The following RIMS1 variants were observed in gnomAD, a reference collection of about 807,000 sequenced individuals.
RIMS1 encodes the protein regulating synaptic membrane exocytosis protein 1.
A neutral mutation model predicts 214.1 loss-of-function variants in RIMS1; 83 were observed. The observed-to-expected ratio is 0.39, with a 90% confidence interval of 0.32 to 0.47. The LOEUF (loss-of-function observed/expected upper bound fraction) is 0.47, where lower values mean the gene tolerates loss of function less well. Among genes scored for constraint, RIMS1 ranks in the 20% least tolerant of loss-of-function variants. RIMS1 has a pLI of 0.99. For synonymous variants in RIMS1, 793 were observed against 786.8 expected (o/e 1.01, Z -0.13); for missense variants, 2,050 against 2,161.8 (o/e 0.95, Z 1.03).
intron 4 of RIMS1, among the ~76,000 whole-genome samples, chr6:72,173,685 C>A (rs542340417): frequency 4.6e-5 from 7 of 152,104 alleles, no homozygotes; most frequent in African/African-American, 1.7e-4. Flanking sequence ...AACATTAATT[C>A]TTCTCTATGT....
At chr6:72,242,578 C>G (rs570314413) in intron 10 of RIMS1, 141 bp downstream of exon 10, 149 of 545,958 alleles carry the variant, frequency 2.7e-4, no homozygotes, top group Admixed American at 1.3e-3. Flanking sequence ...TTTTAGATTA[C>G]TAAAAATTTC....
chr6:72,269,364 C>T (rs1000709267), intron 22 of RIMS1, among the ~76,000 whole-genome samples: 1 of 152,110 alleles, frequency 6.6e-6, no homozygotes. Flanking sequence ...ATAGGTATTT[C>T]CCTAGCTCCA....
intron 2 of RIMS1, among the ~76,000 whole-genome samples, chr6:72,096,715 T>C (rs2153803710): frequency 6.6e-6 from 1 of 152,350 alleles, no homozygotes; most frequent in Non-Finnish European, 1.5e-5. Flanking sequence ...AGGGCTTATG[T>C]AGCTTCTACA....
chr6:72,328,603 A>G (rs1401094005), intron 28 of RIMS1, among the ~76,000 whole-genome samples: 1 of 151,800 alleles, frequency 6.6e-6, no homozygotes, highest in Non-Finnish European at 1.5e-5. Context: ...AACTATCCCT[A>G]TGGTATACAC....
At position 72,362,086 on chromosome 6, in the gene RIMS1, A is replaced by G. The variant is rs978670890; in HGVS notation, c.4366+28251A>G. On this transcript the variant is annotated intron_variant, in intron 29 of 33. Transcript: ENST00000521978. ...TAATGCTAGCAGAGGATTCCAAAGC[A>G]CACTGATATCCATGGATATAGTTTA... Among the ~76,000 whole-genome samples, 66 of 152,188 alleles carry G rather than the reference A, an allele frequency of 4.3e-4. 1 individual carries two copies. The highest frequency in any genetic ancestry group is 7.5e-4 in the Non-Finnish European group (51 of 68,044).
At chr6:72,024,418 A>G (rs1017324125) in intron 2 of RIMS1, among the ~76,000 whole-genome samples, 7 of 152,180 alleles carry the variant, frequency 4.6e-5, no homozygotes, top group Admixed American at 1.3e-4. Flanking sequence ...GGAGATGCCA[A>G]TCCTGACCTC....
chr6:71,926,819 T>C (rs1781709243), intron 1 of RIMS1, among the ~76,000 whole-genome samples: 2 of 152,136 alleles, frequency 1.3e-5, no homozygotes, highest in Non-Finnish European at 2.9e-5. Flanking sequence ...TTTTACAAAA[T>C]CAGGATATAA....
intron 2 of RIMS1, among the ~76,000 whole-genome samples, chr6:72,012,003 T>A (rs1810812444): frequency 6.6e-6 from 1 of 152,196 alleles, no homozygotes; most frequent in Non-Finnish European, 1.5e-5. Flanking sequence ...GGATTATAAA[T>A]CATGCTGCTA....
Position 72,245,839 on chromosome 6 carries a change from C to G in RIMS1, c.2106C>G (p.Ser702Arg). 2.5e-6 allele frequency: 4 copies of G among 1,608,302 alleles called. No individual in the cohort carries two copies. Among genetic ancestry groups the G allele is most frequent in the Non-Finnish European group, 3.4e-6 (4 of 1,174,902 alleles). The change falls in exon 11 of 34, where the codon AGC becomes AGG. Residue 702 changes from serine to arginine, a missense_variant. By Grantham distance (110) the Ser-to-Arg change is moderately radical. Coordinates refer to ENST00000521978, the MANE Select transcript of RIMS1 (RefSeq NM_014989.7). The part of the protein sequence containing the change: ...PIGDIPRIPE[S>R]SHPPLESSSS... Reference sequence around the variant, plus strand: ...GTGACATTCCCCGGATTCCTGAGAGCTCCCACCCTCCACTGGAGTCCAGTG... The same window carrying G: ...GTGACATTCCCCGGATTCCTGAGAGGTCCCACCCTCCACTGGAGTCCAGTG...
chr6:72,362,218 A>G (rs1487328168), intron 29 of RIMS1, among the ~76,000 whole-genome samples: 2 of 152,096 alleles, frequency 1.3e-5, no homozygotes, highest in Admixed American at 1.3e-4. Flanking sequence ...AACTAAACAT[A>G]TTGTTTTCTT....
chr6:72,006,709 A>G (rs1807796632), intron 2 of RIMS1, among the ~76,000 whole-genome samples: 1 of 152,204 alleles, frequency 6.6e-6, no homozygotes, highest in African/African-American at 2.4e-5. Context: ...TCCTATGCCC[A>G]TGGAGCCTTG....
At chr6:71,929,687 G>C (rs996211178) in intron 1 of RIMS1, among the ~76,000 whole-genome samples, 4 of 151,488 alleles carry the variant, frequency 2.6e-5, no homozygotes, top group African/African-American at 9.7e-5. Flanking sequence ...CAGCACTAGA[G>C]GGAGGTTTTG....
chr6:71,900,326 G>A (rs1489561811), intron 1 of RIMS1, among the ~76,000 whole-genome samples: 1 of 152,082 alleles, frequency 6.6e-6, no homozygotes, highest in Non-Finnish European at 1.5e-5. Context: ...AGAATTTGGA[G>A]AGGTAGGCAG....
chr6:72,367,300 A>G (rs2098067594), intron 29 of RIMS1, among the ~76,000 whole-genome samples: 1 of 152,198 alleles, frequency 6.6e-6, no homozygotes, highest in Non-Finnish European at 1.5e-5. Flanking sequence ...TACTGTATAC[A>G]ATATAGCCCT....
intron 1 of RIMS1, among the ~76,000 whole-genome samples, chr6:71,944,227 A>G (rs1230345963): frequency 1.3e-5 from 2 of 152,224 alleles, no homozygotes; most frequent in African/African-American, 4.8e-5. Flanking sequence ...ATTTAAAAAT[A>G]GGCTACATAC....
At chr6:72,199,395 A>G (rs2051529771) in intron 6 of RIMS1, among the ~76,000 whole-genome samples, 1 of 152,132 alleles carries the variant, frequency 6.6e-6, no homozygotes, top group Non-Finnish European at 1.5e-5. Flanking sequence ...ACCCTTGCAC[A>G]TTATTGCCAT....
At position 72,398,236 on chromosome 6, in the gene RIMS1, T is replaced by G. The variant is rs766307261; in HGVS notation, c.4619-13T>G. On this transcript the variant is annotated splice_polypyrimidine_tract_variant and intron_variant, in intron 31 of 33. Transcript: ENST00000521978. ...AAGAAGCTGAAACACATCTTGCTCC[T>G]TTCCATTTGCAGGTGATATACAAAT... The G allele has an allele frequency of 2.6e-6, 4 of 1,550,786 alleles. No homozygotes were observed. The highest frequency in any genetic ancestry group is 3.5e-6 in the Non-Finnish European group (4 of 1,129,434).
At chr6:72,221,549 T>C (rs2058440694) in intron 6 of RIMS1, among the ~76,000 whole-genome samples, 1 of 151,994 alleles carries the variant, frequency 6.6e-6, no homozygotes, top group South Asian at 2.1e-4. Flanking sequence ...TCACAAATTA[T>C]TTACAAATAT....
At position 72,159,414 on chromosome 6, in the gene RIMS1, T is replaced by C. The variant is rs2044961836; in HGVS notation, c.472-20161T>C. Among the ~76,000 whole-genome samples, 2 of 141,140 alleles carry C rather than the reference T, an allele frequency of 1.4e-5. 1 individual carries two copies. Among genetic ancestry groups the C allele is most frequent in the Non-Finnish European group, 3.2e-5 (2 of 62,074 alleles). The allele number at this position is 141,140 out of a possible 152,430, so 92.6% of individuals were successfully genotyped here. A position where few individuals can be genotyped will look rare whatever the true frequency, so the allele number is the denominator to read the frequency against. ...TTTAGTTAGATCCCATTTGTCAATT[T>C]TGGCTTTTGTTGCCATTGCTTTTGG... On this transcript the variant is annotated intron_variant, in intron 4 of 33. Coordinates refer to ENST00000521978, the MANE Select transcript of RIMS1 (RefSeq NM_014989.7).
Sources: gnomAD v4.1 joint callset for allele counts (sites outside exome capture counted in the v4.1 genomes callset) on GRCh38, gnomAD v4.1.1 for gene constraint, MANE v1.5 for transcripts, NCBI Gene and HGNC (gene_info 2026-07-23, HGNC 2026-07-21) for gene names.